The following PRKG1 variants were observed in gnomAD, a reference collection of about 807,000 sequenced individuals.
PRKG1 encodes protein kinase cGMP-dependent 1.
PRKG1 carries 35 observed loss-of-function variants against 88.1 expected under a neutral mutation model. That is an observed-to-expected ratio of 0.40 (90% CI 0.30 to 0.53). The LOEUF is 0.53. Among genes scored for constraint, PRKG1 ranks in the 20% least tolerant of loss-of-function variants. The pLI is 0.59. For synonymous variants in PRKG1, 303 were observed against 292.5 expected (o/e 1.04, Z -0.37); for missense variants, 540 against 839.8 (o/e 0.64, Z 4.41).
intron 7 of PRKG1, chr10:52,128,169 A>G: frequency 1.0e-6 from 1 of 985,326 alleles, no homozygotes; most frequent in African/African-American, 1.7e-5. Flanking sequence ...AAGAGCTCTG[A>G]CCCCGGGATT....
In PRKG1 at chr10:51,964,372, A is replaced by G. The variant is rs547681731; in HGVS notation, c.762+56802A>G. Among the ~76,000 whole-genome samples, 17 of 152,348 alleles carry G rather than the reference A, an allele frequency of 1.1e-4. No individual in the cohort carries two copies. In the South Asian group the frequency reaches 2.5e-3, roughly 22 times the overall value. ...CAAATACATCTTTATGTTCATTCCAATAACAGTTTAATGACAGCATTGAAT... is the reference window on the plus strand; with the variant it reads ...CAAATACATCTTTATGTTCATTCCAGTAACAGTTTAATGACAGCATTGAAT... On this transcript the variant is annotated intron_variant, in intron 5 of 17. Coordinates refer to ENST00000373980, the MANE Select transcript of PRKG1 (RefSeq NM_006258.4).
intron 5 of PRKG1, among the ~76,000 whole-genome samples, chr10:51,959,016 A>G (rs1025210632): frequency 6.6e-6 from 1 of 152,168 alleles, no homozygotes; most frequent in Admixed American, 6.6e-5. Context: ...GTCTTGTGGC[A>G]TCTATTGTTA....
At chr10:51,446,919 AC>A (rs1349032226) in intron 2 of PRKG1, among the ~76,000 whole-genome samples, 1 of 152,042 alleles carries the variant, frequency 6.6e-6, no homozygotes, top group African/African-American at 2.4e-5. Context: ...CCTAAATCAT[AC>A]AAAGACCCAC....
chr10:51,969,999 CAT>C (rs1843665720), intron 5 of PRKG1, among the ~76,000 whole-genome samples: 1 of 89,044 alleles, frequency 1.1e-5, no homozygotes, highest in Non-Finnish European at 2.1e-5. Flanking sequence ...CCATTCTCTT[CAT>C]ACACACACAC....
intron 3 of PRKG1, among the ~76,000 whole-genome samples, chr10:51,593,184 G>A (rs925932492): frequency 2.0e-5 from 3 of 152,166 alleles, no homozygotes; most frequent in Non-Finnish European, 2.9e-5. Context: ...TGCTTTTGCA[G>A]TATCACTAAA....
At chr10:51,191,300 G>A (rs777869221) in intron 2 of PRKG1, among the ~76,000 whole-genome samples, 1 of 151,748 alleles carries the variant, frequency 6.6e-6, no homozygotes, top group Non-Finnish European at 1.5e-5. Context: ...GCTTTTGTTT[G>A]AATCTCCTTT....
chr10:51,931,421 C>G (rs369755636), intron 5 of PRKG1, among the ~76,000 whole-genome samples: 5 of 152,224 alleles, frequency 3.3e-5, no homozygotes, highest in African/African-American at 9.6e-5. Flanking sequence ...CAAGACCAGG[C>G]TGGACAACAT....
chr10:51,978,415 A>G, intron 5 of PRKG1, among the ~76,000 whole-genome samples: 1 of 127,880 alleles, frequency 7.8e-6, no homozygotes, highest in East Asian at 2.1e-4. Flanking sequence ...TTTGCTTAGG[A>G]TTGCCTTGGC....
At chr10:51,007,180 C>A (rs190486248) in intron 1 of PRKG1, among the ~76,000 whole-genome samples, 1 of 151,928 alleles carries the variant, frequency 6.6e-6, no homozygotes, top group Admixed American at 6.6e-5. Flanking sequence ...CTCCTGACCT[C>A]GTGATCCACC....
intron 4 of PRKG1, among the ~76,000 whole-genome samples, chr10:51,829,244 C>T (rs1839947271): frequency 6.6e-6 from 1 of 152,188 alleles, no homozygotes; most frequent in South Asian, 2.1e-4. Context: ...AGATGGAATT[C>T]CATGTCTTCT....
rs1840975188 is a variant in PRKG1, at chr10:51,864,887, A to T, written c.699-42620A>T. Among the ~76,000 whole-genome samples the T allele has an allele frequency of 2.0e-5, 3 of 152,260 alleles. No homozygotes were observed. In the South Asian group the frequency reaches 6.2e-4, roughly 32 times the overall value. Reference sequence around the variant, plus strand: ...TCCCAATATTAAATATTTATTTATCAACAGGAGAATTTTTGTATGTCACCT... The same window carrying T: ...TCCCAATATTAAATATTTATTTATCTACAGGAGAATTTTTGTATGTCACCT... On this transcript the variant is annotated intron_variant, in intron 4 of 17. Coordinates refer to ENST00000373980, the MANE Select transcript of PRKG1 (RefSeq NM_006258.4).
At chr10:52,160,880 T>C (rs1838259872) in intron 8 of PRKG1, among the ~76,000 whole-genome samples, 1 of 152,052 alleles carries the variant, frequency 6.6e-6, no homozygotes, top group South Asian at 2.1e-4. Context: ...AATAAAAGAA[T>C]TAACTTTTAT....
Position 50,991,316 on chromosome 10 carries a change from C to CGCT in PRKG1, c.-61_-60insTGC, listed in dbSNP as rs2132704980. 2.3e-6 allele frequency: 2 copies of CGCT among 857,094 alleles called. No individual in the cohort carries two copies. Among genetic ancestry groups the CGCT allele is most frequent in the Non-Finnish European group, 1.6e-6 (1 of 635,604 alleles). 53.1% of individuals were successfully genotyped at this position (857,094 alleles called of 1,614,324 possible). On this transcript the variant is annotated 5_prime_UTR_variant, in exon 1 of 18. Transcript: ENST00000401604. This position sits in a 1 kb window ranked among gnomAD's most constrained non-coding sequence, Gnocchi z 4.5. ...CGCTGCCGGCTGCCGTCCCAGCCGCCGCCGCCGCCGCCGCCGCCGCCGCCG... is the reference window on the plus strand; with the variant it reads ...CGCTGCCGGCTGCCGTCCCAGCCGCCGCTGCCGCCGCCGCCGCCGCCGCCGCCG...
intron 8 of PRKG1, among the ~76,000 whole-genome samples, chr10:52,139,890 A>G (rs1019716524): frequency 2.0e-5 from 3 of 152,168 alleles, no homozygotes; most frequent in Admixed American, 6.6e-5. Context: ...GCCAAATAGT[A>G]AATATTTTAG....
intron 3 of PRKG1, among the ~76,000 whole-genome samples, chr10:51,678,715 C>T (rs1365478455): frequency 2.0e-5 from 3 of 152,094 alleles, no homozygotes; most frequent in East Asian, 3.9e-4. Context: ...CAGTGTGTGC[C>T]ATAGTTAAAT....
chr10:51,342,066 T>A (rs1228168219), intron 2 of PRKG1, among the ~76,000 whole-genome samples: 1 of 152,162 alleles, frequency 6.6e-6, no homozygotes, highest in Non-Finnish European at 1.5e-5. Flanking sequence ...GTAACCGATA[T>A]TAGATACCAG....
chr10:51,347,166 C>A (rs1462125765), intron 2 of PRKG1, among the ~76,000 whole-genome samples: 1 of 151,690 alleles, frequency 6.6e-6, no homozygotes, highest in East Asian at 1.9e-4. Flanking sequence ...TACTTGCACA[C>A]CCCTGGATCA....
chr10:51,114,690 AGAG>A (rs1416606213), intron 1 of PRKG1, among the ~76,000 whole-genome samples: 1 of 152,180 alleles, frequency 6.6e-6, no homozygotes, highest in Non-Finnish European at 1.5e-5. Context: ...TCCTGAGGAT[AGAG>A]GAGGAGGCAG....
intron 5 of PRKG1, chr10:51,908,827 T>A (rs1371380823): frequency 1.3e-5 from 2 of 152,002 alleles, no homozygotes; most frequent in Non-Finnish European, 2.9e-5. Context: ...CCTCCCTGGT[T>A]CAAGTCATTC....
Sources: allele counts gnomAD v4.1 joint callset (sites outside exome capture counted in the v4.1 genomes callset), GRCh38; gene constraint gnomAD v4.1.1; non-coding constraint Gnocchi (gnomAD v3.1); transcripts MANE v1.5; gene names NCBI Gene and HGNC (gene_info 2026-07-23, HGNC 2026-07-21).